SH3GL2: variants seen among roughly 807,000 people sequenced by gnomAD.
The protein encoded by SH3GL2 is SH3 domain containing GRB2 like 2, endophilin A1.
SH3GL2 carries 24 observed loss-of-function variants against 46.0 expected under a neutral mutation model. The ratio of observed to expected loss-of-function variants is 0.52; its 90% CI spans 0.38 to 0.73. The LOEUF (loss-of-function observed/expected upper bound fraction) is 0.73, where lower values mean the gene tolerates loss of function less well. Ranked by LOEUF, SH3GL2 falls within the 30% of genes least tolerant of loss-of-function variation. The pLI is 0.00. For missense variants in SH3GL2, 413 were observed against 424.2 expected, an observed-to-expected ratio of 0.97 and a Z score of 0.23; for synonymous variants, 196 against 147.1, an observed-to-expected ratio of 1.33 and a Z score of -2.40.
In SH3GL2 at chr9:17,606,930, C is replaced by T. The variant is rs1025882170; in HGVS notation, c.45+27643C>T. ...AGTAAGACCCCACTTGTGATTTACC[C>T]AAGTTCTTTGGAAAGATGCAAGCCC... On this transcript the variant is annotated intron_variant, in intron 1 of 8. Transcript: ENST00000380607. Among the ~76,000 whole-genome samples the T allele has an allele frequency of 2.0e-5, 3 of 152,284 alleles. No individual in the cohort carries two copies. In the East Asian group the frequency reaches 5.8e-4, roughly 29 times the overall value.
chr9:17,782,582 C>T (rs1296538126), intron 3 of SH3GL2, among the ~76,000 whole-genome samples: 1 of 152,086 alleles, frequency 6.6e-6, no homozygotes, highest in Non-Finnish European at 1.5e-5. Flanking sequence ...GAAAAGCAGG[C>T]CTGGTGCCAA....
chr9:17,594,899 T>G (rs1368767306), intron 1 of SH3GL2, among the ~76,000 whole-genome samples: 2 of 152,202 alleles, frequency 1.3e-5, no homozygotes, highest in Non-Finnish European at 2.9e-5. Context: ...TATGCATATA[T>G]TTTTGATGTA....
At chr9:17,757,712 C>G (rs1001279832) in intron 2 of SH3GL2, among the ~76,000 whole-genome samples, 8 of 152,304 alleles carry the variant, frequency 5.3e-5, no homozygotes, top group East Asian at 3.9e-4. Flanking sequence ...TTAAACTGTA[C>G]TGTTCTCAAA....
intron 8 of SH3GL2, among the ~76,000 whole-genome samples, chr9:17,794,621 A>C (rs1563857951): frequency 6.6e-6 from 1 of 152,152 alleles, no homozygotes. Context: ...TTTCCTTTCC[A>C]GCCACCTAGA....
At chr9:17,717,230 A>G (rs3824379) in intron 1 of SH3GL2, among the ~76,000 whole-genome samples, 10,738 of 152,132 alleles carry the variant, frequency 0.071, 505 homozygotes, top group East Asian at 0.14. Context: ...CTTTCTGTAC[A>G]TTCTCTCTTT....
At chr9:17,631,722 C>T (rs1819430949) in intron 1 of SH3GL2, among the ~76,000 whole-genome samples, 1 of 152,162 alleles carries the variant, frequency 6.6e-6, no homozygotes, top group African/African-American at 2.4e-5. Context: ...CACATCCCAT[C>T]ATCTTCTGCA....
chr9:17,707,332 A>G (rs1821496354), intron 1 of SH3GL2, among the ~76,000 whole-genome samples: 1 of 152,010 alleles, frequency 6.6e-6, no homozygotes, highest in South Asian at 2.1e-4. Flanking sequence ...GGGGTCATAC[A>G]GAACACGGTT....
At chr9:17,783,162 A>G (rs1823861460) in intron 3 of SH3GL2, among the ~76,000 whole-genome samples, 1 of 152,168 alleles carries the variant, frequency 6.6e-6, no homozygotes, top group South Asian at 2.1e-4. Flanking sequence ...CAGTCTTACA[A>G]ATGAGAGATT....
At chr9:17,640,744 T>G (rs981474048) in intron 1 of SH3GL2, among the ~76,000 whole-genome samples, 1 of 152,248 alleles carries the variant, frequency 6.6e-6, no homozygotes, top group Non-Finnish European at 1.5e-5. Flanking sequence ...TGAAAAGTAT[T>G]TATTGTGCAT....
At chr9:17,656,278 G>GA (rs1167814437) in intron 1 of SH3GL2, among the ~76,000 whole-genome samples, 3 of 151,960 alleles carry the variant, frequency 2.0e-5, no homozygotes, top group Non-Finnish European at 2.9e-5. Flanking sequence ...TATATTAGAG[G>GA]ATGTTTTAAT....
At chr9:17,738,576 A>ACATAT (rs879840665) in intron 1 of SH3GL2, among the ~76,000 whole-genome samples, 1 of 22,842 alleles carries the variant, frequency 4.4e-5, no homozygotes, top group Non-Finnish European at 1.1e-4. Context: ...ATATATATAT[A>ACATAT]GAGAGAGAGA....
chr9:17,786,038 C>G lies in SH3GL2; in HGVS notation c.188-343C>G, dbSNP rs558247230. On this transcript the variant is annotated intron_variant, in intron 3 of 8. Coordinates refer to ENST00000380607, the MANE Select transcript of SH3GL2 (RefSeq NM_003026.5). ...AATTCGAGAGTTTGTAAAAAGCTCT[C>G]CATGGAAGCACCCAGCTCCACAGAG... 2.6e-5 allele frequency among the ~76,000 whole-genome samples: 4 copies of G among 152,208 alleles called. No homozygotes were observed. The East Asian group carries it at 7.7e-4, about 29-fold the overall frequency.
At chr9:17,779,356 C>T (rs1009553548) in intron 3 of SH3GL2, among the ~76,000 whole-genome samples, 1 of 152,136 alleles carries the variant, frequency 6.6e-6, no homozygotes, top group African/African-American at 2.4e-5. Flanking sequence ...TTGAGTCCCA[C>T]AGGAAATTTG....
At chr9:17,786,974 C>CA (rs905156838) in intron 4 of SH3GL2, among the ~76,000 whole-genome samples, 11 of 152,146 alleles carry the variant, frequency 7.2e-5, no homozygotes, top group African/African-American at 2.7e-4. Flanking sequence ...CTGTCTCCCC[C>CA]AAAACTCAGC....
chr9:17,621,050 G>A (rs963247601), intron 1 of SH3GL2, among the ~76,000 whole-genome samples: 17 of 152,178 alleles, frequency 1.1e-4, no homozygotes, highest in African/African-American at 3.9e-4. Context: ...TCAGTTGATT[G>A]CTGTGGTTTT....
chr9:17,601,903 A>G (rs1000076865), intron 1 of SH3GL2, among the ~76,000 whole-genome samples: 1 of 152,176 alleles, frequency 6.6e-6, no homozygotes. Context: ...CAATTCTGGT[A>G]GTATGAAAGA....
chr9:17,719,660 G>A (rs1460026405), intron 1 of SH3GL2, among the ~76,000 whole-genome samples: 2 of 151,966 alleles, frequency 1.3e-5, no homozygotes, highest in African/African-American at 4.8e-5. Context: ...TGGCATGGTG[G>A]CATGCACCTG....
At chr9:17,784,180 T>C (rs931458397) in intron 3 of SH3GL2, among the ~76,000 whole-genome samples, 6 of 152,136 alleles carry the variant, frequency 3.9e-5, no homozygotes, top group Non-Finnish European at 7.4e-5. Context: ...TCTTCCTCCT[T>C]CTTATGAAAA....
intron 1 of SH3GL2, among the ~76,000 whole-genome samples, chr9:17,708,177 T>C (rs1821523521): frequency 6.6e-6 from 1 of 152,050 alleles, no homozygotes; most frequent in African/African-American, 2.4e-5. Flanking sequence ...CTTCCCATCG[T>C]GGTCATTGCT....
Sources: gnomAD v4.1 joint callset for allele counts (sites outside exome capture counted in the v4.1 genomes callset) on GRCh38, gnomAD v4.1.1 for gene constraint, MANE v1.5 for transcripts, NCBI Gene and HGNC (gene_info 2026-07-23, HGNC 2026-07-21) for gene names.